Variants in CAST observed in about 807,000 individuals in gnomAD.
CAST encodes the protein calpastatin.
CAST carries 76 observed loss-of-function variants against 119.6 expected under a neutral mutation model. The ratio of observed to expected loss-of-function variants is 0.64; its 90% CI spans 0.53 to 0.77. CAST has a LOEUF of 0.77. CAST is among the 30% of genes least tolerant of loss of function. CAST has a pLI of 0.00. For missense variants in CAST, 953 were observed against 946.5 expected (o/e 1.01, Z -0.09); for synonymous variants, 319 against 331.6 (o/e 0.96, Z 0.41).
At chr5:96,495,736 A>C in the CAST span, among the ~76,000 whole-genome samples, 1 of 152,196 alleles carries the variant, frequency 6.6e-6, no homozygotes, top group Non-Finnish European at 1.5e-5. Flanking sequence ...CTAAGTGTGC[A>C]TGTGTCTTTA....
intron 15 of CAST, 154 bp from the exon 16 acceptor site, chr5:96,742,501 C>G (rs1277303599): frequency 4.9e-6 from 3 of 607,424 alleles, no homozygotes; most frequent in African/African-American, 3.7e-5. Flanking sequence ...TCCTTTCTCT[C>G]TTTTGCAAGG....
the CAST span, among the ~76,000 whole-genome samples, chr5:96,483,900 C>T: frequency 6.6e-6 from 1 of 152,264 alleles, no homozygotes; most frequent in African/African-American, 2.4e-5. Context: ...CACCCTAATC[C>T]TATGTTTCAA....
At chr5:96,638,639 A>C (rs1747912293) in intron 1 of CAST, among the ~76,000 whole-genome samples, 1 of 152,068 alleles carries the variant, frequency 6.6e-6, no homozygotes. Context: ...CATGGGCTTG[A>C]ACGATTTTGT....
the CAST span, among the ~76,000 whole-genome samples, chr5:96,287,813 T>C: frequency 1.3e-5 from 2 of 152,020 alleles, no homozygotes; most frequent in Admixed American, 6.6e-5. Flanking sequence ...CAGTTGTATA[T>C]GTTGTCTCAT....
chr5:96,498,884 CT>C, the CAST span, among the ~76,000 whole-genome samples: 8 of 152,060 alleles, frequency 5.3e-5, no homozygotes, highest in Admixed American at 3.3e-4. Context: ...CGAGTTCTTT[CT>C]TTTGAACTCA....
At chr5:96,523,642 A>G (rs1347201111), upstream of CAST, among the ~76,000 whole-genome samples, 3 of 152,196 alleles carry the variant, frequency 2.0e-5, no homozygotes, top group Non-Finnish European at 2.9e-5. Context: ...CAGGCAGTGC[A>G]GGGCTGATTG....
At chr5:96,229,661 A>G in the CAST span, among the ~76,000 whole-genome samples, 1 of 152,192 alleles carries the variant, frequency 6.6e-6, no homozygotes, top group Admixed American at 6.6e-5. Flanking sequence ...AACATTATGC[A>G]TGATTATTCT....
the CAST span, among the ~76,000 whole-genome samples, chr5:96,472,931 T>G: frequency 2.0e-5 from 3 of 152,184 alleles, no homozygotes; most frequent in Non-Finnish European, 4.4e-5. Context: ...GAAGGCTTCC[T>G]TGCCTTTTTC....
At chr5:96,145,427 G>C in the CAST span, among the ~76,000 whole-genome samples, 1 of 152,148 alleles carries the variant, frequency 6.6e-6, no homozygotes, top group African/African-American at 2.4e-5. Flanking sequence ...CGCCTTAACA[G>C]TTATGGATGT....
Position 96,746,441 on chromosome 5 carries a change from C to T in CAST, c.1284+16C>T. The stretch of plus-strand genomic sequence containing the variant: ...ACCAGCCACGGTAAATTTTTAGCCA[C>T]AGTGCATGACAACAGCATCTTGCCT... On this transcript the variant is annotated intron_variant, in intron 17 of 31. Transcript: ENST00000675179. The T allele has an allele frequency of 7.1e-7, 1 of 1,401,554 alleles. No homozygotes were observed. Among genetic ancestry groups the T allele is most frequent in the South Asian group, 1.2e-5 (1 of 86,784 alleles). 86.8% of individuals were successfully genotyped at this position (1,401,554 alleles called of 1,614,324 possible).
At chr5:96,172,145 G>T in the CAST span, among the ~76,000 whole-genome samples, 2 of 152,210 alleles carry the variant, frequency 1.3e-5, no homozygotes, top group African/African-American at 4.8e-5. Flanking sequence ...GTCAAAGGGG[G>T]TTGTTCTCTG....
chr5:96,515,512 A>G, the CAST span, among the ~76,000 whole-genome samples: 1 of 152,042 alleles, frequency 6.6e-6, no homozygotes, highest in African/African-American at 2.4e-5. Context: ...TTCACGTCCA[A>G]TATCTTCCAG....
upstream of CAST, chr5:96,662,297 C>T (rs1023240710): frequency 8.5e-7 from 1 of 1,182,200 alleles, no homozygotes; most frequent in Non-Finnish European, 1.1e-6. Context: ...AAAGCTGTTT[C>T]ATCGCCCGCT....
At chr5:96,369,125 C>T in the CAST span, among the ~76,000 whole-genome samples, 1,332 of 151,138 alleles carry the variant, frequency 8.8e-3, 33 homozygotes, top group South Asian at 0.044. Flanking sequence ...CCTTATATTG[C>T]GTTTTTATCT....
At chr5:96,270,625 A>G in the CAST span, among the ~76,000 whole-genome samples, 1 of 152,116 alleles carries the variant, frequency 6.6e-6, no homozygotes, top group African/African-American at 2.4e-5. Flanking sequence ...CAAACACCAC[A>G]TGTTCTCACT....
At chr5:96,141,020 G>A in the CAST span, among the ~76,000 whole-genome samples, 4 of 152,100 alleles carry the variant, frequency 2.6e-5, no homozygotes, top group Non-Finnish European at 5.9e-5. Context: ...CAGTTAACTC[G>A]AGAAAATTAT....
chr5:96,192,374 G>C, the CAST span, among the ~76,000 whole-genome samples: 6,249 of 152,214 alleles, frequency 0.041, 459 homozygotes, highest in African/African-American at 0.14. Context: ...GTCTTTACAG[G>C]CATGATAAGA....
intron 1 of CAST, among the ~76,000 whole-genome samples, chr5:96,579,129 G>A (rs868257765): frequency 4.6e-4 from 70 of 152,292 alleles, no homozygotes; most frequent in African/African-American, 1.5e-3. Context: ...CTTTCTGCTG[G>A]TTCTGCCTGC....
At chr5:96,457,172 A>C in the CAST span, among the ~76,000 whole-genome samples, 2 of 152,026 alleles carry the variant, frequency 1.3e-5, no homozygotes, top group African/African-American at 4.8e-5. Flanking sequence ...CATTCCTCAC[A>C]CCAAATCAAT....
Sources: gnomAD v4.1 joint callset for allele counts (sites outside exome capture counted in the v4.1 genomes callset) on GRCh38, gnomAD v4.1.1 for gene constraint, MANE v1.5 for transcripts, NCBI Gene and HGNC (gene_info 2026-07-23, HGNC 2026-07-21) for gene names.